The following USP40 variants were observed in gnomAD, a reference collection of about 807,000 sequenced individuals.
The protein encoded by USP40 is ubiquitin specific peptidase 40, also known as ubiquitin carboxyl-terminal hydrolase 40.
A neutral mutation model predicts 166.2 loss-of-function variants in USP40; 143 were observed. The ratio of observed to expected loss-of-function variants is 0.86; its 90% CI spans 0.75 to 0.99. The LOEUF is 0.99. Ranked by LOEUF, USP40 falls within the 50% of genes least tolerant of loss-of-function variation. USP40 has a pLI of 0.00. For missense variants in USP40, 1,444 were observed against 1,479.7 expected (o/e 0.98, Z 0.40); for synonymous variants, 498 against 524.0 (o/e 0.95, Z 0.68).
intron 10 of USP40, among the ~76,000 whole-genome samples, chr2:233,538,364 C>A (rs956174056): frequency 1.3e-5 from 2 of 151,900 alleles, no homozygotes. Context: ...TGACAGAAAA[C>A]AGAAGAGCAG....
chr2:233,553,119 A>G (rs1330063592), intron 6 of USP40, among the ~76,000 whole-genome samples: 1 of 152,200 alleles, frequency 6.6e-6, no homozygotes, highest in East Asian at 1.9e-4. Context: ...GGCCACAGGA[A>G]ATGGTATTAA....
intron 31 of USP40, among the ~76,000 whole-genome samples, chr2:233,478,183 GCACGCGT>G (rs1444042356): frequency 6.6e-6 from 1 of 152,238 alleles, no homozygotes; most frequent in Non-Finnish European, 1.5e-5. Flanking sequence ...ATCCTGGTAG[GCACGCGT>G]CCATGTTTTT....
At chr2:233,546,707 T>G (rs1422808316) in intron 8 of USP40, 2 of 152,116 alleles carry the variant, frequency 1.3e-5, no homozygotes, top group Admixed American at 1.3e-4. Context: ...ATGGACAAGC[T>G]TCGATCAGAA....
chr2:233,546,444 G>C (rs1423668612), intron 8 of USP40: 1 of 152,172 alleles, frequency 6.6e-6, no homozygotes, highest in Non-Finnish European at 1.5e-5. Flanking sequence ...TTGCCAGCTA[G>C]AAAAATACCT....
At chr2:233,491,031 C>T in intron 26 of USP40, 136 bp downstream of exon 26, 1 of 785,524 alleles carries the variant, frequency 1.3e-6, no homozygotes. Context: ...CGGGTACTTA[C>T]CACTGAACAT....
chr2:233,531,408 A>AT (rs1330449290), intron 11 of USP40, among the ~76,000 whole-genome samples: 2 of 152,170 alleles, frequency 1.3e-5, no homozygotes, highest in Non-Finnish European at 2.9e-5. Flanking sequence ...GTACACCTAG[A>AT]TTTTTTGTTG....
rs368634805 is a variant in USP40, at chr2:233,552,698, A to AAT, written c.694-1181_694-1180dup. 3.6e-3 allele frequency among the ~76,000 whole-genome samples: 542 copies of AAT among 152,328 alleles called. 4 individuals are homozygous for AAT. Among genetic ancestry groups the AAT allele is most frequent in the African/African-American group, 0.012 (512 of 41,576 alleles). Reference sequence around the variant, plus strand: ...GATGAAGGGGCAAAAACTGGATGGAAATACATGTGAAACAGTATAAAATTC... The same window carrying AAT: ...GATGAAGGGGCAAAAACTGGATGGAAATATACATGTGAAACAGTATAAAATTC... On this transcript the variant is annotated intron_variant, in intron 6 of 31. Transcript: ENST00000678225.
intron 8 of USP40, among the ~76,000 whole-genome samples, chr2:233,544,845 G>A (rs2069760294): frequency 6.6e-6 from 1 of 152,138 alleles, no homozygotes. Flanking sequence ...ACTGGATGAA[G>A]GGGGAAAAAT....
intron 21 of USP40, among the ~76,000 whole-genome samples, chr2:233,509,631 A>C (rs918432088): frequency 6.6e-6 from 1 of 152,052 alleles, no homozygotes; most frequent in Non-Finnish European, 1.5e-5. Flanking sequence ...ACTCGAGGTC[A>C]GGAGTTTGAG....
At chr2:233,491,613 TGTG>T (rs1301864436) in intron 25 of USP40, among the ~76,000 whole-genome samples, 1 of 140,098 alleles carries the variant, frequency 7.1e-6, no homozygotes, top group Admixed American at 6.9e-5. Context: ...CGTGTGTGTG[TGTG>T]TGTGTGTGTG....
At position 233,485,757 on chromosome 2, in the gene USP40, A is replaced by C; in HGVS notation, c.3408+10T>G. On this transcript the variant is annotated intron_variant, in intron 29 of 31. Transcript: ENST00000678225. ...GCCCCAATTTCTCTGAGACAGCCCC[A>C]CAACTTTACCCAGCTAGATATCGGA... is the stretch of plus-strand genomic sequence containing the variant. The C allele has an allele frequency of 6.2e-7, 1 of 1,612,738 alleles. No homozygotes were observed. Among genetic ancestry groups the C allele is most frequent in the Non-Finnish European group, 8.5e-7 (1 of 1,179,380 alleles).
At chr2:233,562,594 T>C (rs1286992868) in intron 3 of USP40, 142 bp downstream of exon 3, 5 of 329,596 alleles carry the variant, frequency 1.5e-5, no homozygotes, top group Non-Finnish European at 2.6e-5. Flanking sequence ...AGGGATAGCA[T>C]TGGGAGGTAT....
At position 233,491,157 on chromosome 2, in the gene USP40, G is replaced by T; in HGVS notation, c.3012+10C>A. ...TTACCACTAAGTTATGGTGCAGGAA[G>T]AAGTCTGACCTGAGACTTCAGCTCC... On this transcript the variant is annotated intron_variant, in intron 26 of 31. Coordinates refer to ENST00000678225, the MANE Select transcript of USP40 (RefSeq NM_001365479.2). The T allele has an allele frequency of 6.3e-7, 1 of 1,587,440 alleles. No homozygotes were observed. Among genetic ancestry groups the T allele is most frequent in the East Asian group, 2.2e-5 (1 of 44,496 alleles).
intron 4 of USP40, among the ~76,000 whole-genome samples, chr2:233,558,689 G>A (rs372947779): frequency 2.6e-4 from 40 of 152,308 alleles, no homozygotes; most frequent in African/African-American, 7.2e-4. Context: ...TTGTAGTGAT[G>A]GTTGAACAAC....
At chr2:233,507,618 TAA>T (rs142033382) in intron 21 of USP40, among the ~76,000 whole-genome samples, 13 of 134,578 alleles carry the variant, frequency 9.7e-5, no homozygotes, top group African/African-American at 1.6e-4. Flanking sequence ...TGTGGAATCT[TAA>T]AAAAAAAAAA....
chr2:233,512,452 G>T, intron 19 of USP40, 117 bp downstream of exon 19: 1 of 505,752 alleles, frequency 2.0e-6, no homozygotes, highest in Non-Finnish European at 3.3e-6. Flanking sequence ...AAGAAAATAT[G>T]TCCTATAAAT....
chr2:233,556,115 CAAAAAAAA>C (rs774757577), intron 5 of USP40, among the ~76,000 whole-genome samples: 2 of 92,638 alleles, frequency 2.2e-5, no homozygotes, highest in Non-Finnish European at 4.4e-5. Flanking sequence ...GACTCCATCT[CAAAAAAAA>C]AAAAAAAGAA....
At chr2:233,531,601 A>G (rs555454482) in intron 11 of USP40, among the ~76,000 whole-genome samples, 3 of 152,196 alleles carry the variant, frequency 2.0e-5, no homozygotes, top group South Asian at 2.1e-4. Context: ...AACCATTTCC[A>G]TATCTTTTTT....
At chr2:233,522,405 GAGTAAT>G (rs1463379158) in intron 16 of USP40, among the ~76,000 whole-genome samples, 1 of 152,174 alleles carries the variant, frequency 6.6e-6, no homozygotes, top group Non-Finnish European at 1.5e-5. Context: ...CTGTCCAAAA[GAGTAAT>G]AGTGGTAAGT....
Sources: gnomAD v4.1 joint callset for allele counts (sites outside exome capture counted in the v4.1 genomes callset) on GRCh38, gnomAD v4.1.1 for gene constraint, MANE v1.5 for transcripts, NCBI Gene and HGNC (gene_info 2026-07-23, HGNC 2026-07-21) for gene names.